The following MKLN1 variants were observed in gnomAD, a reference collection of about 807,000 sequenced individuals.
MKLN1 encodes the protein muskelin 1.
A neutral mutation model predicts 99.0 loss-of-function variants in MKLN1; 18 were observed. That is an observed-to-expected ratio of 0.18 (90% CI 0.13 to 0.27). MKLN1 has a LOEUF of 0.27. MKLN1 is among the 10% of genes least tolerant of loss of function. The pLI, the probability that MKLN1 is intolerant of heterozygous loss-of-function variation, is 1.00. For synonymous variants in MKLN1, 288 were observed against 293.2 expected, an observed-to-expected ratio of 0.98 and a Z score of 0.18; for missense variants, 621 against 875.9, an observed-to-expected ratio of 0.71 and a Z score of 3.67.
chr7:131,187,946 ACT>A, intron 2 of MKLN1, among the ~76,000 whole-genome samples: 1 of 151,844 alleles, frequency 6.6e-6, no homozygotes, highest in Admixed American at 6.6e-5. Flanking sequence ...ACAGAGTGAG[ACT>A]CTGTCTCAAA....
At chr7:131,226,012 A>C (rs976976631) in intron 3 of MKLN1, among the ~76,000 whole-genome samples, 3 of 149,628 alleles carry the variant, frequency 2.0e-5, no homozygotes, top group Non-Finnish European at 1.5e-5. Flanking sequence ...TGGCCTCTCT[A>C]CCCCGCCTGC....
chr7:131,297,284 C>A (rs1292177240), intron 3 of MKLN1, among the ~76,000 whole-genome samples: 1 of 152,074 alleles, frequency 6.6e-6, no homozygotes, highest in African/African-American at 2.4e-5. Flanking sequence ...TCGCTTGAAC[C>A]CGGGAGGTGG....
At chr7:131,396,675 C>CT (rs1794372122) in intron 4 of MKLN1, among the ~76,000 whole-genome samples, 1 of 151,712 alleles carries the variant, frequency 6.6e-6, no homozygotes, top group African/African-American at 2.4e-5. Context: ...TGTGTTTTTT[C>CT]TTTTATTTTG....
chr7:131,365,059 T>C (rs956757073), intron 1 of MKLN1, among the ~76,000 whole-genome samples: 1 of 152,202 alleles, frequency 6.6e-6, no homozygotes, highest in Admixed American at 6.5e-5. Context: ...TCCACAATGG[T>C]TGAACTAATT....
intron 17 of MKLN1, among the ~76,000 whole-genome samples, chr7:131,481,994 G>A (rs1233591610): frequency 6.6e-6 from 1 of 152,114 alleles, no homozygotes; most frequent in Non-Finnish European, 1.5e-5. Context: ...GAGTGATCTC[G>A]GAGAAAATCT....
intron 3 of MKLN1, among the ~76,000 whole-genome samples, chr7:131,252,495 A>C (rs758137108): frequency 6.6e-6 from 1 of 151,556 alleles, no homozygotes; most frequent in Non-Finnish European, 1.5e-5. Context: ...TACACGGCTA[A>C]TTTTTTTGTA....
At chr7:131,150,731 A>G (rs1252619119) in intron 2 of MKLN1, among the ~76,000 whole-genome samples, 4 of 152,036 alleles carry the variant, frequency 2.6e-5, no homozygotes, top group Non-Finnish European at 1.5e-5. Flanking sequence ...ATGAATAACT[A>G]AATCTACCCA....
chr7:131,257,841 C>T (rs190229091), intron 3 of MKLN1, among the ~76,000 whole-genome samples: 17 of 152,100 alleles, frequency 1.1e-4, no homozygotes, highest in African/African-American at 3.6e-4. Flanking sequence ...AAGCAGAGAC[C>T]GGGTGTGGTG....
chr7:131,146,581 C>G (rs559174455), intron 2 of MKLN1, among the ~76,000 whole-genome samples: 1 of 152,162 alleles, frequency 6.6e-6, no homozygotes, highest in Non-Finnish European at 1.5e-5. Flanking sequence ...ACTTGGCACA[C>G]AGTAGGTGCT....
intron 3 of MKLN1, among the ~76,000 whole-genome samples, chr7:131,208,333 C>T (rs1796850028): frequency 6.6e-6 from 1 of 152,210 alleles, no homozygotes; most frequent in South Asian, 2.1e-4. Flanking sequence ...GTGGCTCACA[C>T]CTGTAATCCC....
At chr7:131,443,779 A>AAGAATTAGAT in intron 11 of MKLN1, 77 bp downstream of exon 11, 1 of 1,096,898 alleles carries the variant, frequency 9.1e-7, no homozygotes, top group Non-Finnish European at 1.4e-6. Flanking sequence ...GTGAAATCTA[A>AAGAATTAGAT]TTCTTTAGGA....
intron 1 of MKLN1, among the ~76,000 whole-genome samples, chr7:131,126,885 G>C (rs1584776960): frequency 6.6e-6 from 1 of 152,266 alleles, no homozygotes; most frequent in South Asian, 2.1e-4. Context: ...AAGAAATATG[G>C]CCGGGTGTGG....
chr7:131,408,644 G>T (rs1002870948), intron 6 of MKLN1, among the ~76,000 whole-genome samples: 3 of 152,060 alleles, frequency 2.0e-5, no homozygotes, highest in Admixed American at 1.3e-4. Flanking sequence ...GGGCATGTGT[G>T]TGCAGGCAGG....
At chr7:131,317,556 A>G (rs1374592970) in intron 3 of MKLN1, among the ~76,000 whole-genome samples, 1 of 152,188 alleles carries the variant, frequency 6.6e-6, no homozygotes, top group African/African-American at 2.4e-5. Context: ...ACTAATGTGT[A>G]AAATAACCAG....
chr7:131,267,238 C>A (rs534029593), intron 3 of MKLN1, among the ~76,000 whole-genome samples: 4 of 152,066 alleles, frequency 2.6e-5, no homozygotes, highest in African/African-American at 4.8e-5. Context: ...GAGGCTACAG[C>A]AGGAGAATTG....
chr7:131,280,400 G>C (rs1798033696), intron 3 of MKLN1, among the ~76,000 whole-genome samples: 1 of 152,160 alleles, frequency 6.6e-6, no homozygotes, highest in Non-Finnish European at 1.5e-5. Flanking sequence ...TTTCCAAAGT[G>C]GTGCCACCAT....
intron 1 of MKLN1, among the ~76,000 whole-genome samples, chr7:131,356,166 C>T (rs879584848): frequency 6.6e-6 from 1 of 150,952 alleles, no homozygotes; most frequent in African/African-American, 2.4e-5. Flanking sequence ...AGCTTGACCT[C>T]TTGACTTGGG....
chr7:131,247,872 T>TTTGTTTTGTTTTG (rs1554542122), intron 3 of MKLN1, among the ~76,000 whole-genome samples: 48 of 151,652 alleles, frequency 3.2e-4, no homozygotes, highest in African/African-American at 1.2e-3. Context: ...GCTACTGCCT[T>TTTGTTTTGTTTTG]TTTTGTTTTG....
At chr7:131,323,197 T>C (rs776285434), upstream of MKLN1, among the ~76,000 whole-genome samples, 10 of 151,988 alleles carry the variant, frequency 6.6e-5, no homozygotes, top group Non-Finnish European at 1.5e-4. Flanking sequence ...AATGTGTACA[T>C]TGTGAAATTT....
Sources: allele counts gnomAD v4.1 joint callset (sites outside exome capture counted in the v4.1 genomes callset), GRCh38; gene constraint gnomAD v4.1.1; transcripts MANE v1.5; gene names NCBI Gene and HGNC (gene_info 2026-07-23, HGNC 2026-07-21).